The following ZFP3 variants were observed in gnomAD, a reference collection of about 807,000 sequenced individuals.
ZFP3 encodes ZFP3 zinc finger protein, also known as zinc finger protein 3 homolog.
ZFP3 carries 18 observed loss-of-function variants against 36.7 expected under a neutral mutation model. That is an observed-to-expected ratio of 0.49 (90% CI 0.34 to 0.73). ZFP3 has a LOEUF of 0.73. Ranked by LOEUF, ZFP3 falls within the 30% of genes least tolerant of loss-of-function variation. The pLI is 0.01. For missense variants in ZFP3, 495 were observed against 599.0 expected, an observed-to-expected ratio of 0.83 and a Z score of 1.81; for synonymous variants, 218 against 199.0, an observed-to-expected ratio of 1.10 and a Z score of -0.81.
At chr17:5,085,020 G>GT (rs1171154772) in intron 1 of ZFP3, among the ~76,000 whole-genome samples, 1 of 152,122 alleles carries the variant, frequency 6.6e-6, no homozygotes, top group Non-Finnish European at 1.5e-5. Context: ...ATCAGAGTGG[G>GT]TAAGATTTAG....
At chr17:5,084,971 A>G (rs2072113356) in intron 1 of ZFP3, among the ~76,000 whole-genome samples, 1 of 152,208 alleles carries the variant, frequency 6.6e-6, no homozygotes, top group Non-Finnish European at 1.5e-5. Flanking sequence ...TTGACAAATG[A>G]CATACTGTGT....
chr17:5,090,997 C>A (rs1325601584), intron 1 of ZFP3, among the ~76,000 whole-genome samples: 1 of 152,100 alleles, frequency 6.6e-6, no homozygotes, highest in Admixed American at 6.5e-5. Context: ...TTATCGTATA[C>A]CTATCTATTA....
intron 1 of ZFP3, among the ~76,000 whole-genome samples, chr17:5,082,587 G>T (rs1372575644): frequency 6.6e-6 from 1 of 152,104 alleles, no homozygotes; most frequent in Non-Finnish European, 1.5e-5. Context: ...GAGTGCAGTG[G>T]TGTGATCATA....
chr17:5,087,679 T>A (rs2072128486), intron 1 of ZFP3, among the ~76,000 whole-genome samples: 1 of 151,722 alleles, frequency 6.6e-6, no homozygotes, highest in Non-Finnish European at 1.5e-5. Context: ...GGAGTAGAGG[T>A]TACTGGAACC....
Position 5,092,303 on chromosome 17 carries a change from C to T in ZFP3, c.799C>T (p.Gln267Ter). Reference protein sequence around the residue: ...ECGKTFRVSSQLIQHQRIHTE... With the variant: ...ECGKTFRVSS ...TGGGAAGACCTTTAGGGTTAGTTCA[C>T]AGCTTATTCAGCATCAGAGAATTCA... is the stretch of plus-strand genomic sequence containing the variant. Residue 267 changes from glutamine (Q) to a stop codon, truncating the protein, a stop_gained, in exon 2 of 2, where the codon CAG (glutamine) becomes TAG (stop). Coordinates refer to ENST00000318833, the MANE Select transcript of ZFP3 (RefSeq NM_153018.3). LOFTEE classifies it high-confidence loss of function. This position sits in a 1 kb window ranked among gnomAD's most constrained non-coding sequence, Gnocchi z 5.0. The T allele has an allele frequency of 6.2e-7, 1 of 1,613,938 alleles. No individual in the cohort carries two copies. Among genetic ancestry groups the T allele is most frequent in the Non-Finnish European group, 8.5e-7 (1 of 1,179,992 alleles).
At chr17:5,082,595 A>G (rs1454399428) in intron 1 of ZFP3, among the ~76,000 whole-genome samples, 7 of 152,092 alleles carry the variant, frequency 4.6e-5, no homozygotes, top group Admixed American at 2.0e-4. Context: ...TGGTGTGATC[A>G]TAGCTCACTG....
intron 1 of ZFP3, among the ~76,000 whole-genome samples, chr17:5,087,765 G>T (rs761832862): frequency 2.0e-4 from 30 of 152,008 alleles, no homozygotes; most frequent in Non-Finnish European, 3.8e-4. Context: ...CCAACCCAAG[G>T]CGACCTCACA....
In ZFP3 at chr17:5,094,112, G is replaced by A. The variant is rs1228742715; in HGVS notation, c.*1099G>A. 2.4e-5 allele frequency: 4 copies of A among 167,174 alleles called. No individual in the cohort carries two copies. Among genetic ancestry groups the A allele is most frequent in the Non-Finnish European group, 5.9e-5 (4 of 68,162 alleles). 10.4% of individuals were successfully genotyped at this position (167,174 alleles called of 1,614,324 possible). A position where few individuals can be genotyped will look rare whatever the true frequency, so the allele number is the denominator to read the frequency against. ...CAAACCAGGGTCTGGCCTTGCCAAA[G>A]CACTTAAGTTCTCATGACCTGGACC... is the stretch of plus-strand genomic sequence containing the variant. On this transcript the variant is annotated 3_prime_UTR_variant, in exon 2 of 2. Transcript: ENST00000318833.
intron 1 of ZFP3, among the ~76,000 whole-genome samples, chr17:5,082,486 G>A (rs1006795708): frequency 6.6e-6 from 1 of 152,136 alleles, no homozygotes; most frequent in Non-Finnish European, 1.5e-5. Flanking sequence ...GAGTTTTTTG[G>A]ACGTTTTGTA....
At position 5,095,160 on chromosome 17, in the gene ZFP3, A is replaced by T. The variant is rs914417340; in HGVS notation, c.*2147A>T. 2 of 167,138 alleles carry T rather than the reference A, an allele frequency of 1.2e-5. No homozygotes were observed. The highest frequency in any genetic ancestry group is 2.9e-5 in the Non-Finnish European group (2 of 68,126). 10.4% of individuals were successfully genotyped at this position (167,138 alleles called of 1,614,324 possible). A position where few individuals can be genotyped will look rare whatever the true frequency, so the allele number is the denominator to read the frequency against. On this transcript the variant is annotated 3_prime_UTR_variant, in exon 2 of 2. Coordinates refer to ENST00000318833, the MANE Select transcript of ZFP3 (RefSeq NM_153018.3). ...ACAGAACTGATCACAGCCAAAAAAAATTCACCAAATGGGTTTATTCTGTAC... is the reference window on the plus strand; with the variant it reads ...ACAGAACTGATCACAGCCAAAAAAATTTCACCAAATGGGTTTATTCTGTAC...
chr17:5,080,926 A>G (rs1245937646), intron 1 of ZFP3, among the ~76,000 whole-genome samples: 1 of 152,068 alleles, frequency 6.6e-6, no homozygotes, highest in African/African-American at 2.4e-5. Context: ...TGCTTGTTTC[A>G]TGAGGTGGTG....
intron 1 of ZFP3, among the ~76,000 whole-genome samples, chr17:5,080,366 G>A (rs1024787373): frequency 6.6e-6 from 1 of 152,156 alleles, no homozygotes; most frequent in African/African-American, 2.4e-5. Flanking sequence ...TTATTTGACT[G>A]GGTTAACTCA....
chr17:5,079,633 T>C (rs1000217058), intron 1 of ZFP3, among the ~76,000 whole-genome samples: 3 of 152,226 alleles, frequency 2.0e-5, no homozygotes, highest in African/African-American at 7.2e-5. Context: ...ACAGCATCCT[T>C]GCTTATGGTC....
At chr17:5,079,126 G>A (rs949018806) in intron 1 of ZFP3, among the ~76,000 whole-genome samples, 4 of 152,198 alleles carry the variant, frequency 2.6e-5, no homozygotes, top group Admixed American at 2.6e-4. Flanking sequence ...ATTGGGAAAA[G>A]GAACTTATTT....
intron 1 of ZFP3, among the ~76,000 whole-genome samples, chr17:5,079,791 G>A (rs1206905288): frequency 6.6e-6 from 1 of 152,196 alleles, no homozygotes; most frequent in Non-Finnish European, 1.5e-5. Flanking sequence ...TGTAATCCCA[G>A]CACTTTGGGA....
rs141158892 is a variant in ZFP3 at position 5,092,851 on chromosome 17, T to C, written c.1347T>C (p.Tyr449=). 204 of 1,614,090 alleles carry C rather than the reference T, an allele frequency of 1.3e-4. No homozygotes were observed. The highest frequency in any genetic ancestry group is 2.6e-4 in the South Asian group (24 of 91,092). ...HQKIHIGEKP[Y]ECSECEKTFS... is the part of the protein sequence containing the mutation. ...AAATTCATATTGGAGAGAAACCTTA[T>C]GAATGTAGCGAGTGTGAGAAAACAT... Residue 449 remains tyrosine (Y), a synonymous_variant, in exon 2 of 2, where the codon TAT becomes TAC. Transcript: ENST00000318833. This position sits in a 1 kb window ranked among gnomAD's most constrained non-coding sequence, Gnocchi z 5.0.
chr17:5,084,096 C>T (rs2072108005), intron 1 of ZFP3, among the ~76,000 whole-genome samples: 1 of 152,108 alleles, frequency 6.6e-6, no homozygotes, highest in African/African-American at 2.4e-5. Flanking sequence ...GAACTCCTGA[C>T]CTCAGGTGAT....
intron 1 of ZFP3, among the ~76,000 whole-genome samples, chr17:5,083,992 G>A (rs1184308236): frequency 6.6e-6 from 1 of 150,842 alleles, no homozygotes; most frequent in Non-Finnish European, 1.5e-5. Context: ...TCAGCCTCCC[G>A]AGTAGCTGGG....
intron 1 of ZFP3, among the ~76,000 whole-genome samples, chr17:5,082,150 A>G (rs183477693): frequency 2.0e-3 from 299 of 151,846 alleles, no homozygotes; most frequent in African/African-American, 6.7e-3. Flanking sequence ...GATCGAGACC[A>G]TCCTGGCTAA....
Sources: gnomAD v4.1 joint callset for allele counts (sites outside exome capture counted in the v4.1 genomes callset) on GRCh38, gnomAD v4.1.1 for gene constraint, Gnocchi (gnomAD v3.1) non-coding constraint, MANE v1.5 for transcripts, NCBI Gene and HGNC (gene_info 2026-07-23, HGNC 2026-07-21) for gene names.